Variants in PI4KB observed in about 807,000 individuals in gnomAD.
PI4KB encodes the protein phosphatidylinositol 4-kinase beta, also known as PtdIns 4-kinase beta.
PI4KB carries 23 observed loss-of-function variants against 81.4 expected under a neutral mutation model. The ratio of observed to expected loss-of-function variants is 0.28; its 90% confidence interval spans 0.20 to 0.40. The LOEUF (loss-of-function observed/expected upper bound fraction) is 0.40. Ranked by LOEUF, PI4KB falls within the 10% of genes least tolerant of loss-of-function variation. The pLI, the probability that PI4KB is intolerant of heterozygous loss-of-function variation, is 1.00. For synonymous variants in PI4KB, 381 were observed against 406.8 expected, an observed-to-expected ratio of 0.94 and a Z score of 0.76; for missense variants, 651 against 1,036.6, an observed-to-expected ratio of 0.63 and a Z score of 5.11.
At chr1:151,304,361 T>C (rs1309608824) in intron 5 of PI4KB, among the ~76,000 whole-genome samples, 1 of 151,286 alleles carries the variant, frequency 6.6e-6, no homozygotes, top group Non-Finnish European at 1.5e-5. Flanking sequence ...TTTTTTTTTT[T>C]AGACGGAGTT....
Position 151,306,184 on chromosome 1 carries a change from G to A in PI4KB, c.1362C>T (p.Asn454=), listed in dbSNP as rs1214114622. ...GSFSTVPNYD[N]DDEAWSVDDI... ...CATCCACCGACCAGGCCTCATCATCGTTGTCATAGTTGGGCACAGTGCTGA... is the reference window on the plus strand; with the variant it reads ...CATCCACCGACCAGGCCTCATCATCATTGTCATAGTTGGGCACAGTGCTGA... The change falls in exon 5 of 12, where the codon AAC becomes AAT. Residue 454 remains asparagine (N), a synonymous_variant. Coordinates refer to ENST00000368873, the MANE Select transcript of PI4KB (RefSeq NM_001369623.2). 8.1e-6 allele frequency: 13 copies of A among 1,613,992 alleles called. No homozygotes were observed. Among genetic ancestry groups the A allele is most frequent in the African/African-American group, 1.3e-5 (1 of 74,894 alleles).
rs1571204168 is a variant in PI4KB, at chr1:151,315,482, GAACAGCGT to G, written c.909+83_909+90del. The G allele has an allele frequency of 4.8e-6, 4 of 841,578 alleles. No homozygotes were observed. The East Asian group carries it at 9.7e-5, about 20-fold the overall frequency. 52.1% of individuals were successfully genotyped at this position (841,578 alleles called of 1,614,324 possible). A position where few individuals can be genotyped will look rare whatever the true frequency, so the allele number is the denominator to read the frequency against. On this transcript the variant is annotated intron_variant, in intron 2 of 11. Transcript: ENST00000368873. ...TGAAATGAAACAGGGAGGACAGAAAGAACAGCGTAACCCTGTGTGTATATAGGAGGCAT... is the reference window on the plus strand; with the variant it reads ...TGAAATGAAACAGGGAGGACAGAAAGAACCCTGTGTGTATATAGGAGGCAT...
chr1:151,319,452 C>T (rs906764548), intron 1 of PI4KB, among the ~76,000 whole-genome samples: 1 of 152,164 alleles, frequency 6.6e-6, no homozygotes. Flanking sequence ...TTTTCTGCCC[C>T]AATACCACTC....
At chr1:151,293,914 C>T (rs766750063) in intron 11 of PI4KB, 104 bp downstream of exon 11, 3 of 1,296,640 alleles carry the variant, frequency 2.3e-6, no homozygotes, top group African/African-American at 3.0e-5. Context: ...GGGAACCCCC[C>T]TCCCTCAACC....
chr1:151,297,056 C>A (rs1254933680), intron 9 of PI4KB, among the ~76,000 whole-genome samples: 1 of 152,176 alleles, frequency 6.6e-6, no homozygotes, highest in East Asian at 1.9e-4. Context: ...GGATTACAGG[C>A]GTGAGCCACT....
Position 151,293,053 on chromosome 1 carries a change from T to A in PI4KB, c.2270-20A>T. On this transcript the variant is annotated intron_variant, in intron 11 of 11. Coordinates refer to ENST00000368873, the MANE Select transcript of PI4KB (RefSeq NM_001369623.2). ...GAGAACCTGGGGGAAGCAGTCGGAG[T>A]TCAGGGTCATGGATGGACGGGAGGG... The A allele has an allele frequency of 6.2e-7, 1 of 1,612,660 alleles. No homozygotes were observed. The highest frequency in any genetic ancestry group is 8.5e-7 in the Non-Finnish European group (1 of 1,179,174).
At chr1:151,322,978 T>A (rs1649063288) in intron 1 of PI4KB, among the ~76,000 whole-genome samples, 2 of 152,000 alleles carry the variant, frequency 1.3e-5, no homozygotes, top group South Asian at 4.1e-4. Context: ...TTGAGATGGA[T>A]CCACAAGAGA....
intron 2 of PI4KB, among the ~76,000 whole-genome samples, chr1:151,314,251 C>T (rs1271819054): frequency 1.3e-5 from 2 of 152,210 alleles, no homozygotes; most frequent in East Asian, 1.9e-4. Flanking sequence ...CATAGCTATC[C>T]GCATTTTTCA....
At chr1:151,310,505 C>T (rs1696135027) in intron 2 of PI4KB, among the ~76,000 whole-genome samples, 1 of 152,206 alleles carries the variant, frequency 6.6e-6, no homozygotes, top group Admixed American at 6.5e-5. Flanking sequence ...GCAGCCTCTG[C>T]TTTTCACTTT....
At chr1:151,314,972 G>GTTTA (rs781037947) in intron 2 of PI4KB, among the ~76,000 whole-genome samples, 119 of 152,176 alleles carry the variant, frequency 7.8e-4, no homozygotes, top group African/African-American at 1.5e-3. Context: ...TGGAATGGCA[G>GTTTA]TTTATTTATT....
chr1:151,294,262 G>T, intron 10 of PI4KB, 124 bp from the exon 11 acceptor site: 1 of 1,473,520 alleles, frequency 6.8e-7, no homozygotes. Context: ...TCCTTATTGG[G>T]CAGGAAGCTC....
intron 1 of PI4KB, among the ~76,000 whole-genome samples, chr1:151,323,702 C>T (rs1254921460): frequency 1.3e-5 from 2 of 151,978 alleles, no homozygotes; most frequent in Non-Finnish European, 2.9e-5. Flanking sequence ...CTAGCCTGGG[C>T]GACAGAACGA....
In PI4KB at chr1:151,301,869, GC is replaced by G; in HGVS notation, c.1723del (p.Ala575ProfsTer5). ...CTGCAGTTGCTTCAACACCTGAAAG[GC>G]CAGAAGCTCTTGCCGAAGGTCATCC... The part of the protein sequence containing the change: ...CGDDLRQELL[A>X]FQVLKQLQSI... On this transcript the variant is annotated frameshift_variant, in exon 8 of 12. Transcript: ENST00000368873. LOFTEE classifies it high-confidence loss of function. 6.2e-7 allele frequency: 1 copy of G among 1,614,014 alleles called. No individual in the cohort carries two copies. The highest frequency in any genetic ancestry group is 8.5e-7 in the Non-Finnish European group (1 of 1,179,990).
At position 151,315,790 on chromosome 1, in the gene PI4KB, G is replaced by A. The variant is rs1345269629; in HGVS notation, c.692C>T (p.Ser231Phe). The A allele has an allele frequency of 6.2e-7, 1 of 1,612,522 alleles. No homozygotes were observed. Among genetic ancestry groups the A allele is most frequent in the Admixed American group, 1.7e-5 (1 of 59,916 alleles). ...CAGCTTCCGTAGCTTGGTCCCACGG[G>A]AGTGTCGTTGAGTGGAAATGTGCAT... Reference protein sequence around the residue: ...SDMHISTQRHSRGTKLRKLIL... With the variant: ...SDMHISTQRHFRGTKLRKLIL... The change falls in exon 2 of 12, where the codon TCC becomes TTC. Residue 231 changes from serine to phenylalanine, a missense_variant. By Grantham distance (155) the Ser-to-Phe change is radical. Coordinates refer to ENST00000368873, the MANE Select transcript of PI4KB (RefSeq NM_001369623.2).
chr1:151,317,748 C>T lies in PI4KB; in HGVS notation c.-28-1239G>A, dbSNP rs1648190013. 3.3e-5 allele frequency among the ~76,000 whole-genome samples: 5 copies of T among 152,248 alleles called. 1 individual carries two copies. The South Asian group carries it at 1.0e-3, about 32-fold the overall frequency. ...ATGCCTGCTATAACCTTTTTATTTT[C>T]CACTTTAGACTATATTTCCTTACTC... On this transcript the variant is annotated intron_variant, in intron 1 of 11. Coordinates refer to ENST00000368873, the MANE Select transcript of PI4KB (RefSeq NM_001369623.2).
rs57820469 is a variant in PI4KB, at chr1:151,300,153, C to T, written c.1750-1080G>A. 1.2e-4 allele frequency among the ~76,000 whole-genome samples: 19 copies of T among 152,364 alleles called. No homozygotes were observed. In the East Asian group the frequency reaches 3.7e-3, roughly 29 times the overall value. ...AGTAAACTGTTCACATTTAGATCTTCACCTTGAGATTTGACAGCTATTTCT... is the reference window on the plus strand; with the variant it reads ...AGTAAACTGTTCACATTTAGATCTTTACCTTGAGATTTGACAGCTATTTCT... On this transcript the variant is annotated intron_variant, in intron 8 of 11. Coordinates refer to ENST00000368873, the MANE Select transcript of PI4KB (RefSeq NM_001369623.2).
chr1:151,313,125 C>A (rs775237034), intron 2 of PI4KB, among the ~76,000 whole-genome samples: 1 of 152,180 alleles, frequency 6.6e-6, no homozygotes, highest in Non-Finnish European at 1.5e-5. Flanking sequence ...CCTGTGCTGA[C>A]GACTCTAATG....
intron 4 of PI4KB, 117 bp from the exon 5 acceptor site, chr1:151,306,480 T>C (rs1344777364): frequency 1.3e-5 from 9 of 676,380 alleles, no homozygotes; most frequent in Non-Finnish European, 2.4e-5. Flanking sequence ...CTTCATCCAA[T>C]AGTCCTCTGA....
At chr1:151,305,519 C>T (rs1323676153) in intron 5 of PI4KB, among the ~76,000 whole-genome samples, 1 of 152,208 alleles carries the variant, frequency 6.6e-6, no homozygotes, top group Non-Finnish European at 1.5e-5. Flanking sequence ...CTGTCCAGCA[C>T]TCTTTGTCCA....
Sources: allele counts gnomAD v4.1 joint callset (sites outside exome capture counted in the v4.1 genomes callset), GRCh38; gene constraint gnomAD v4.1.1; transcripts MANE v1.5; gene names NCBI Gene and HGNC (gene_info 2026-07-23, HGNC 2026-07-21).